The following PPP6R1 variants were observed in gnomAD, a reference collection of about 807,000 sequenced individuals.
PPP6R1 encodes serine/threonine-protein phosphatase 6 regulatory subunit 1.
PPP6R1 carries 39 observed loss-of-function variants against 104.6 expected under a neutral mutation model. The observed-to-expected ratio is 0.37, with a 90% confidence interval of 0.29 to 0.49. The LOEUF (loss-of-function observed/expected upper bound fraction) is 0.49. Ranked by LOEUF, PPP6R1 falls within the 20% of genes least tolerant of loss-of-function variation. The pLI, the probability that PPP6R1 is intolerant of heterozygous loss-of-function variation, is 0.98. For missense variants in PPP6R1, 1,181 were observed against 1,155.8 expected (o/e 1.02, Z -0.32); for synonymous variants, 549 against 479.0 (o/e 1.15, Z -1.91).
chr19:55,234,603 C>T (rs573550425), intron 17 of PPP6R1, among the ~76,000 whole-genome samples: 2 of 152,308 alleles, frequency 1.3e-5, no homozygotes, highest in Non-Finnish European at 2.9e-5. Flanking sequence ...GGCAGTGACA[C>T]ACTTGTGCAC....
Position 55,236,953 on chromosome 19 carries a change from G to A in PPP6R1, c.1769C>T (p.Thr590Ile). The change falls in exon 16 of 24, where the codon ACA (threonine) becomes ATA (isoleucine). Residue 590 changes from threonine to isoleucine, a missense_variant. Physicochemically the swap from Thr to Ile is moderately conservative, Grantham distance 89. Coordinates refer to ENST00000412770, the MANE Select transcript of PPP6R1 (RefSeq NM_014931.4). ...EESVNAPFDK[T>I]ANITFSLNAD... ...ATTGAGGGAGAAGGTGATGTTGGCT[G>A]TCTTGTCAAAAGGTGCGCTAGGAGA... The A allele has an allele frequency of 1.2e-6, 2 of 1,612,970 alleles. No homozygotes were observed. The highest frequency in any genetic ancestry group is 2.2e-5 in the East Asian group (1 of 44,886).
chr19:55,239,251 A>T, intron 15 of PPP6R1, 154 bp downstream of exon 15: 1 of 699,350 alleles, frequency 1.4e-6, no homozygotes, highest in Non-Finnish European at 2.5e-6. Context: ...GCAGACACAC[A>T]CACAAGGCCA....
rs933484101 is a variant in PPP6R1, at chr19:55,230,231, G to A, written c.*297C>T. 8.1e-5 allele frequency: 35 copies of A among 429,618 alleles called. No homozygotes were observed. The highest frequency in any genetic ancestry group is 3.4e-4 in the Admixed American group (9 of 26,816). The allele number at this position is 429,618 out of a possible 1,614,324, so 26.6% of individuals were successfully genotyped here. A position where few individuals can be genotyped will look rare whatever the true frequency, so the allele number is the denominator to read the frequency against. On this transcript the variant is annotated 3_prime_UTR_variant, in exon 24 of 24. Transcript: ENST00000412770. Reference sequence around the variant, plus strand: ...CAGTTCGGTGTCCTCACTCTCTCTCGCTCTCCTCCCTCTCTCTATATAATA... The same window carrying A: ...CAGTTCGGTGTCCTCACTCTCTCTCACTCTCCTCCCTCTCTCTATATAATA...
chr19:55,233,072 T>G (rs922467115), intron 17 of PPP6R1: 2 of 152,124 alleles, frequency 1.3e-5, no homozygotes, highest in Admixed American at 1.3e-4. Flanking sequence ...TATCTAAACA[T>G]AGGAAAAATA....
At chr19:55,237,309 C>T (rs979450193) in intron 15 of PPP6R1, among the ~76,000 whole-genome samples, 3 of 152,264 alleles carry the variant, frequency 2.0e-5, no homozygotes, top group South Asian at 2.1e-4. Context: ...CAGATCCATG[C>T]CCTTGTCCCC....
intron 17 of PPP6R1, among the ~76,000 whole-genome samples, chr19:55,235,414 G>A (rs2087387863): frequency 6.6e-6 from 1 of 152,036 alleles, no homozygotes; most frequent in South Asian, 2.1e-4. Flanking sequence ...GAGGCGGGAA[G>A]AGAGAGACAC....
At chr19:55,249,280 T>C (rs771495379) in intron 1 of PPP6R1, among the ~76,000 whole-genome samples, 3 of 152,152 alleles carry the variant, frequency 2.0e-5, no homozygotes, top group Non-Finnish European at 4.4e-5. Context: ...CTCACTCTGT[T>C]GCCCAGGCTG....
chr19:55,230,703 G>A lies in PPP6R1; in HGVS notation c.2571-19C>T, dbSNP rs116604313. On this transcript the variant is annotated intron_variant, in intron 22 of 23. Coordinates refer to ENST00000412770, the MANE Select transcript of PPP6R1 (RefSeq NM_014931.4). ...CTGGGCACTGTCAGGGGAGAGAGGG[G>A]ATGTGCAGAGGTCACTTCCTGCCCC... The A allele has an allele frequency of 0.08, 123,885 of 1,557,648 alleles. 5,650 individuals carry two copies. The highest frequency in any genetic ancestry group is 0.16 in the South Asian group (13,907 of 84,290).
intron 15 of PPP6R1, among the ~76,000 whole-genome samples, chr19:55,237,643 A>G (rs2087411462): frequency 6.6e-6 from 1 of 152,228 alleles, no homozygotes; most frequent in African/African-American, 2.4e-5. Flanking sequence ...CTTAAAGGAC[A>G]CTAAGTATGT....
intron 1 of PPP6R1, among the ~76,000 whole-genome samples, chr19:55,249,132 G>T (rs557332204): frequency 5.3e-5 from 8 of 152,334 alleles, no homozygotes; most frequent in Admixed American, 3.9e-4. Context: ...AGGACTAGGG[G>T]AGATAGCAGC....
At position 55,240,311 on chromosome 19, in the gene PPP6R1, G is replaced by T; in HGVS notation, c.1297-11C>A. 6.3e-7 allele frequency: 1 copy of T among 1,584,660 alleles called. No individual in the cohort carries two copies. The highest frequency in any genetic ancestry group is 8.6e-7 in the Non-Finnish European group (1 of 1,166,380). On this transcript the variant is annotated splice_polypyrimidine_tract_variant and intron_variant, in intron 10 of 23. Coordinates refer to ENST00000412770, the MANE Select transcript of PPP6R1 (RefSeq NM_014931.4). ...GCACTGCTGCAGCAGCTGCGGGAGA[G>T]CGGGACAGGATGGCCTGGAGGGGTG...
At chr19:55,243,665 C>CAAAAAAAAAAAAA (rs756399928) in intron 5 of PPP6R1, among the ~76,000 whole-genome samples, 2 of 151,000 alleles carry the variant, frequency 1.3e-5, no homozygotes, top group African/African-American at 4.9e-5. Context: ...GACACTGTCT[C>CAAAAAAAAAAAAA]AAAAAAAAGA....
chr19:55,236,810 G>C lies in PPP6R1; in HGVS notation c.1821C>G (p.Asn607Lys), dbSNP rs774006095. The C allele has an allele frequency of 6.8e-6, 11 of 1,613,818 alleles. No homozygotes were observed. The South Asian group carries it at 1.2e-4, about 18-fold the overall frequency. The stretch of plus-strand genomic sequence containing the variant: ...GGTCCTTGTAGCATATCTCAAGTAG[G>C]TTGGCGTTGGGCTGCAGGGCACAGG... ...LNADDENPNA[N>K]LLEICYKDRI... Residue 607 changes from asparagine to lysine, a missense_variant, in exon 17 of 24, where the codon AAC becomes AAG. Around this residue, in one of 2 missense-constraint regions of PPP6R1, gnomAD observed 1,042 missense variants for 955.6 expected, o/e 1.09. Transcript: ENST00000412770.
At chr19:55,232,272 G>C in intron 17 of PPP6R1, 61 bp from the exon 18 acceptor site, 1 of 1,483,926 alleles carries the variant, frequency 6.7e-7, no homozygotes, top group East Asian at 2.5e-5. Context: ...CACCCATCCT[G>C]TTCCCTGCAG....
At chr19:55,236,603 T>C in intron 17 of PPP6R1, 40 bp downstream of exon 17, 2 of 1,481,462 alleles carry the variant, frequency 1.4e-6, no homozygotes. Context: ...CCCTGCCGTG[T>C]GGTGGAAGCT....
chr19:55,247,675 A>T (rs1218752528), intron 1 of PPP6R1, among the ~76,000 whole-genome samples: 1 of 152,132 alleles, frequency 6.6e-6, no homozygotes, highest in Non-Finnish European at 1.5e-5. Context: ...CAAATCCCCC[A>T]AGGCTACGTG....
intron 1 of PPP6R1, among the ~76,000 whole-genome samples, chr19:55,249,833 C>T (rs906410924): frequency 6.6e-6 from 1 of 151,296 alleles, no homozygotes; most frequent in Admixed American, 6.6e-5. Flanking sequence ...GAGCAACACT[C>T]TGTCTCGGAA....
At chr19:55,238,116 G>A (rs1290589911) in intron 15 of PPP6R1, among the ~76,000 whole-genome samples, 2 of 152,000 alleles carry the variant, frequency 1.3e-5, no homozygotes, top group African/African-American at 2.4e-5. Context: ...GCCCAGGCTG[G>A]GCTGAAATTC....
chr19:55,241,601 A>G lies in PPP6R1; in HGVS notation c.884T>C (p.Val295Ala). The change falls in exon 8 of 24, where the codon GTG (valine) becomes GCG (alanine). Residue 295 changes from valine (V) to alanine (A), a missense_variant. Val to Ala is a moderately conservative substitution (Grantham distance 64). This residue lies in a region of PPP6R1 where 1,042 missense variants were observed against 955.6 expected (regional missense o/e 1.09). Transcript: ENST00000412770. The surrounding 1 kb of genome is among the most constrained non-coding windows in gnomAD (Gnocchi z 5.4). ...SVTVNSFFSS[V>A]DGQLELLAQG... The stretch of plus-strand genomic sequence containing the variant: ...GGCCAGGAGCTCCAGCTGCCCATCC[A>G]CACTGCTGAAGAAGCTGTTCACGGT... 1 of 1,586,968 alleles carries G rather than the reference A, an allele frequency of 6.3e-7. No individual in the cohort carries two copies. Among genetic ancestry groups the G allele is most frequent in the East Asian group, 2.3e-5 (1 of 43,134 alleles).
Sources: gnomAD v4.1 joint callset for allele counts (sites outside exome capture counted in the v4.1 genomes callset) on GRCh38, gnomAD v4.1.1 for gene constraint, gnomAD v4.1.1 regional missense constraint, Gnocchi (gnomAD v3.1) non-coding constraint, MANE v1.5 for transcripts, NCBI Gene and HGNC (gene_info 2026-07-23, HGNC 2026-07-21) for gene names.